HSD17B12: variants seen among roughly 807,000 people sequenced by gnomAD.
The protein encoded by HSD17B12 is hydroxysteroid 17-beta dehydrogenase 12.
Under a neutral mutation model 39.3 loss-of-function variants are expected in HSD17B12, and 32 were observed. The observed-to-expected ratio is 0.81, with a 90% CI of 0.61 to 1.09. The LOEUF is 1.09. Among genes scored for constraint, HSD17B12 ranks in the 50% least tolerant of loss-of-function variants. HSD17B12 has a pLI of 0.00. For missense variants in HSD17B12, 342 were observed against 382.9 expected (o/e 0.89, Z 0.89); for synonymous variants, 150 against 146.7 (o/e 1.02, Z -0.16).
chr11:43,770,092 C>G (rs866856853), intron 3 of HSD17B12, among the ~76,000 whole-genome samples: 10 of 152,342 alleles, frequency 6.6e-5, no homozygotes, highest in African/African-American at 2.2e-4. Context: ...TCTTGATCCC[C>G]AGTGTCTTCC....
chr11:43,779,806 C>T (rs1468680682), intron 3 of HSD17B12, among the ~76,000 whole-genome samples: 1 of 152,204 alleles, frequency 6.6e-6, no homozygotes, highest in Admixed American at 6.5e-5. Flanking sequence ...ATATTTTCCA[C>T]ATGATGCATT....
chr11:43,715,586 C>G (rs1950114262), intron 1 of HSD17B12, among the ~76,000 whole-genome samples: 1 of 152,030 alleles, frequency 6.6e-6, no homozygotes, highest in African/African-American at 2.4e-5. Flanking sequence ...CTAAAATTCT[C>G]TTTTTTTGTT....
chr11:43,713,920 G>A (rs1181460394), intron 1 of HSD17B12, among the ~76,000 whole-genome samples: 2 of 152,206 alleles, frequency 1.3e-5, no homozygotes, highest in Admixed American at 6.5e-5. Flanking sequence ...CTGCATAAAT[G>A]TCTTCTTTTG....
chr11:43,797,378 G>A (rs1001096842), intron 3 of HSD17B12, among the ~76,000 whole-genome samples: 3 of 152,218 alleles, frequency 2.0e-5, no homozygotes, highest in African/African-American at 4.8e-5. Context: ...TGGTTGAGGA[G>A]AGAAAGAGAA....
At chr11:43,626,930 C>T in the HSD17B12 span, among the ~76,000 whole-genome samples, 1 of 151,942 alleles carries the variant, frequency 6.6e-6, no homozygotes, top group Admixed American at 6.6e-5. Context: ...GTTACATTTA[C>T]TTTACTTAAT....
the HSD17B12 span, among the ~76,000 whole-genome samples, chr11:43,642,858 TGAA>T: frequency 6.6e-6 from 1 of 151,934 alleles, no homozygotes; most frequent in Admixed American, 6.6e-5. Context: ...AAGTAAATGA[TGAA>T]GTATTTTCTC....
chr11:43,678,616 G>T (rs1237270167), upstream of HSD17B12, among the ~76,000 whole-genome samples: 1 of 152,096 alleles, frequency 6.6e-6, no homozygotes, highest in Non-Finnish European at 1.5e-5. Context: ...TTTGTATAAG[G>T]TGTAAGGAAG....
At chr11:43,588,696 A>G in the HSD17B12 span, among the ~76,000 whole-genome samples, 50 of 151,008 alleles carry the variant, frequency 3.3e-4, no homozygotes, top group African/African-American at 1.2e-3. Flanking sequence ...AAATCATAGC[A>G]TAAGCAGCTA....
At chr11:43,636,933 A>G in the HSD17B12 span, among the ~76,000 whole-genome samples, 88 of 152,324 alleles carry the variant, frequency 5.8e-4, no homozygotes, top group African/African-American at 2.1e-3. Context: ...GGCAGTGTGT[A>G]TCATTGTGAT....
At position 43,845,805 on chromosome 11, in the gene HSD17B12, CA is replaced by C. The variant is rs1242727958; in HGVS notation, c.684+5743del. On this transcript the variant is annotated intron_variant, in intron 9 of 10. Coordinates refer to ENST00000278353, the MANE Select transcript of HSD17B12 (RefSeq NM_016142.3). ...CTATTATTTCCCTTGCACTAACAAG[CA>C]ACTGTGGGGAGACCCTAAAACTGTG... Among the ~76,000 whole-genome samples the C allele has an allele frequency of 2.6e-5, 4 of 152,292 alleles. No individual in the cohort carries two copies. In the East Asian group the frequency reaches 7.7e-4, roughly 29 times the overall value.
At chr11:43,565,570 C>T in the HSD17B12 span, among the ~76,000 whole-genome samples, 2 of 152,052 alleles carry the variant, frequency 1.3e-5, no homozygotes, top group Non-Finnish European at 2.9e-5. Context: ...CATTACTTAC[C>T]CTCAGATTAT....
At chr11:43,802,580 T>C (rs1292950337) in intron 4 of HSD17B12, among the ~76,000 whole-genome samples, 1 of 152,214 alleles carries the variant, frequency 6.6e-6, no homozygotes, top group African/African-American at 2.4e-5. Context: ...ATTATGAGTA[T>C]AATTTATTGA....
chr11:43,852,303 T>C (rs752595767), intron 9 of HSD17B12: 1 of 152,088 alleles, frequency 6.6e-6, no homozygotes, highest in Non-Finnish European at 1.5e-5. Flanking sequence ...ATTTATACCA[T>C]GTTACATACG....
upstream of HSD17B12, among the ~76,000 whole-genome samples, chr11:43,676,615 A>G (rs906766719): frequency 6.6e-6 from 1 of 152,208 alleles, no homozygotes; most frequent in African/African-American, 2.4e-5. Flanking sequence ...TTTTATACCT[A>G]GTACCTAGCT....
At chr11:43,597,473 G>C in the HSD17B12 span, among the ~76,000 whole-genome samples, 1 of 152,130 alleles carries the variant, frequency 6.6e-6, no homozygotes, top group Non-Finnish European at 1.5e-5. Context: ...ACTAATTTTT[G>C]AAGGCACAGG....
chr11:43,611,659 G>A, the HSD17B12 span, among the ~76,000 whole-genome samples: 2 of 152,206 alleles, frequency 1.3e-5, no homozygotes, highest in East Asian at 1.9e-4. Flanking sequence ...CTGGTCAGGC[G>A]CAGGTGACAG....
At chr11:43,661,252 T>C in the HSD17B12 span, among the ~76,000 whole-genome samples, 7 of 152,308 alleles carry the variant, frequency 4.6e-5, no homozygotes, top group African/African-American at 1.7e-4. Flanking sequence ...TATGCATTTC[T>C]AGAAAGGCAA....
the HSD17B12 span, among the ~76,000 whole-genome samples, chr11:43,670,739 G>T: frequency 6.6e-6 from 1 of 152,098 alleles, no homozygotes; most frequent in African/African-American, 2.4e-5. Context: ...AAAAATATTA[G>T]CTGGGTGTGG....
chr11:43,579,538 C>T, the HSD17B12 span: 1 of 152,276 alleles, frequency 6.6e-6, no homozygotes, highest in African/African-American at 2.4e-5. Flanking sequence ...GGAGTCGGCG[C>T]CCGGGTCGGC....
Sources: allele counts gnomAD v4.1 joint callset (sites outside exome capture counted in the v4.1 genomes callset), GRCh38; gene constraint gnomAD v4.1.1; transcripts MANE v1.5; gene names NCBI Gene and HGNC (gene_info 2026-07-23, HGNC 2026-07-21).